Variants in RSF1 observed in about 807,000 individuals in gnomAD.
RSF1 encodes the protein HBV pX-associated protein 8.
RSF1 carries 13 observed loss-of-function variants against 145.2 expected under a neutral mutation model. That is an observed-to-expected ratio of 0.09 (90% CI 0.06 to 0.14). The LOEUF is 0.14. RSF1 is among the 10% of genes least tolerant of loss of function. RSF1 has a pLI of 1.00. For synonymous variants in RSF1, 577 were observed against 592.6 expected (o/e 0.97, Z 0.38); for missense variants, 1,517 against 1,718.2 (o/e 0.88, Z 2.07).
chr11:77,735,061 T>A, intron 4 of RSF1: 1 of 1,217,614 alleles, frequency 8.2e-7, no homozygotes, highest in Non-Finnish European at 1.2e-6. Flanking sequence ...GCGGTGGCAG[T>A]GGCTGCGTGG....
At chr11:77,751,464 A>C (rs953100198) in intron 2 of RSF1, among the ~76,000 whole-genome samples, 2 of 152,182 alleles carry the variant, frequency 1.3e-5, no homozygotes, top group Admixed American at 1.3e-4. Flanking sequence ...AAACAAATTT[A>C]AAATTGTAAA....
At chr11:77,823,621 CA>C (rs397970373), upstream of RSF1, among the ~76,000 whole-genome samples, 238 of 97,630 alleles carry the variant, frequency 2.4e-3, no homozygotes, top group Non-Finnish European at 3.4e-3. Flanking sequence ...CACCCTGTCT[CA>C]AAAAAAAAAA....
At chr11:77,667,577 G>A in intron 15 of RSF1, 86 bp from the exon 16 acceptor site, 11 of 1,217,680 alleles carry the variant, frequency 9.0e-6, no homozygotes, top group African/African-American at 1.5e-5. Flanking sequence ...TTCACCCCAC[G>A]TCCTGCTTTC....
the RSF1 span, among the ~76,000 whole-genome samples, chr11:77,870,943 C>T: frequency 6.6e-6 from 1 of 152,136 alleles, no homozygotes; most frequent in Non-Finnish European, 1.5e-5. Flanking sequence ...CTCATTCTTT[C>T]CTTTATAGAT....
At chr11:77,844,123 T>G in the RSF1 span, among the ~76,000 whole-genome samples, 1 of 152,138 alleles carries the variant, frequency 6.6e-6, no homozygotes, top group East Asian at 1.9e-4. Flanking sequence ...CTCTTCTAGT[T>G]TGCAGACAGC....
At chr11:77,758,239 CA>C (rs1168526045) in intron 2 of RSF1, among the ~76,000 whole-genome samples, 2 of 152,010 alleles carry the variant, frequency 1.3e-5, no homozygotes, top group Non-Finnish European at 2.9e-5. Flanking sequence ...AGAACTTTCA[CA>C]TATTCCATTT....
intron 1 of RSF1, among the ~76,000 whole-genome samples, chr11:77,817,634 C>T (rs1448620230): frequency 6.6e-6 from 1 of 152,188 alleles, no homozygotes; most frequent in Non-Finnish European, 1.5e-5. Flanking sequence ...TGGACTCAGA[C>T]TTGGGTTGGA....
chr11:77,721,222 A>G (rs1960933222), intron 5 of RSF1, among the ~76,000 whole-genome samples: 1 of 151,820 alleles, frequency 6.6e-6, no homozygotes, highest in South Asian at 2.1e-4. Flanking sequence ...TTGCTTCAAC[A>G]CTCTATGTTA....
the RSF1 span, among the ~76,000 whole-genome samples, chr11:77,846,593 C>T: frequency 6.8e-4 from 104 of 152,298 alleles, no homozygotes; most frequent in African/African-American, 2.4e-3. Flanking sequence ...GTAATCCCAG[C>T]TACTTGGGAG....
At chr11:77,748,890 C>A (rs1948031274) in intron 2 of RSF1, among the ~76,000 whole-genome samples, 1 of 152,218 alleles carries the variant, frequency 6.6e-6, no homozygotes, top group Non-Finnish European at 1.5e-5. Flanking sequence ...TTATTCACAA[C>A]TGCCAAAAGG....
intron 1 of RSF1, among the ~76,000 whole-genome samples, chr11:77,796,069 T>C (rs551672512): frequency 2.6e-5 from 4 of 152,182 alleles, no homozygotes; most frequent in Non-Finnish European, 5.9e-5. Context: ...CTATATCGTT[T>C]CTTCTTGTGT....
intron 5 of RSF1, among the ~76,000 whole-genome samples, chr11:77,724,639 T>C (rs565880967): frequency 3.9e-5 from 6 of 152,162 alleles, no homozygotes; most frequent in Non-Finnish European, 8.8e-5. Flanking sequence ...AATTTTTCTA[T>C]AGGAGGTGGG....
intron 1 of RSF1, among the ~76,000 whole-genome samples, chr11:77,777,119 A>T (rs927459716): frequency 2.0e-5 from 3 of 152,206 alleles, no homozygotes; most frequent in Non-Finnish European, 4.4e-5. Context: ...TCTCCAATGG[A>T]TCATTTTAAA....
the RSF1 span, among the ~76,000 whole-genome samples, chr11:77,845,314 G>A: frequency 2.6e-5 from 4 of 151,928 alleles, no homozygotes; most frequent in Non-Finnish European, 4.4e-5. Flanking sequence ...GTCTCAGACT[G>A]GATAATCTCA....
intron 1 of RSF1, among the ~76,000 whole-genome samples, chr11:77,795,839 T>C (rs1800745222): frequency 6.6e-6 from 1 of 152,214 alleles, no homozygotes; most frequent in Non-Finnish European, 1.5e-5. Context: ...TGTGAATCCA[T>C]CTGGTCCTGG....
At chr11:77,741,093 CTG>C (rs1947931145) in intron 3 of RSF1, among the ~76,000 whole-genome samples, 157 bp from the exon 4 acceptor site, 1 of 152,212 alleles carries the variant, frequency 6.6e-6, no homozygotes, top group African/African-American at 2.4e-5. Flanking sequence ...TTCATACAAA[CTG>C]TTTAGAATAG....
upstream of RSF1, among the ~76,000 whole-genome samples, chr11:77,824,597 G>GT (rs1721730105): frequency 1.3e-5 from 2 of 152,254 alleles, no homozygotes; most frequent in Admixed American, 6.5e-5. Context: ...TTAAAAACAT[G>GT]TTGAGTAAAA....
chr11:77,753,925 C>A (rs1229256648), intron 2 of RSF1, among the ~76,000 whole-genome samples: 1 of 152,152 alleles, frequency 6.6e-6, no homozygotes, highest in Non-Finnish European at 1.5e-5. Context: ...TTCTCTTGCA[C>A]CCCCAACCAA....
chr11:77,745,408 A>G (rs981531321), intron 3 of RSF1, among the ~76,000 whole-genome samples: 4 of 152,048 alleles, frequency 2.6e-5, no homozygotes, highest in Non-Finnish European at 5.9e-5. Flanking sequence ...ATCGATTGCT[A>G]TGAACTTCCC....
Sources: allele counts gnomAD v4.1 joint callset (sites outside exome capture counted in the v4.1 genomes callset), GRCh38; gene constraint gnomAD v4.1.1; transcripts MANE v1.5; gene names NCBI Gene and HGNC (gene_info 2026-07-23, HGNC 2026-07-21).